Variants in WDFY4 observed in about 807,000 individuals in gnomAD.
WDFY4 encodes the protein WDFY family member 4, also known as WD repeat- and FYVE domain-containing protein 4.
In WDFY4, 169 loss-of-function variants were observed where a neutral mutation model predicts 351.9. That is an observed-to-expected ratio of 0.48 (90% CI 0.42 to 0.55). The LOEUF (loss-of-function observed/expected upper bound fraction) is 0.55. Among genes scored for constraint, WDFY4 ranks in the 20% least tolerant of loss-of-function variants. WDFY4 has a pLI of 0.00. For missense variants in WDFY4, 3,803 were observed against 3,935.6 expected (o/e 0.97, Z 0.90); for synonymous variants, 1,622 against 1,574.6 (o/e 1.03, Z -0.71).
Position 48,731,492 on chromosome 10 carries a change from C to T in WDFY4, c.1512C>T (p.Phe504=). 2 of 1,551,652 alleles carry T rather than the reference C, an allele frequency of 1.3e-6. No individual in the cohort carries two copies. The highest frequency in any genetic ancestry group is 2.4e-5 in the East Asian group (1 of 40,918). ...GGGACCCCCTCTTCACCGACATCTT[C>T]CGGGACTCAGGGCTCCTGGGCCTGC... The part of the protein sequence containing the change: ...AGGDPLFTDI[F]RDSGLLGLLL... The change falls in exon 9 of 62, where the codon TTC becomes TTT. Residue 504 remains phenylalanine (F), a synonymous_variant. Coordinates refer to ENST00000325239, the MANE Select transcript of WDFY4 (RefSeq NM_001394531.1).
At chr10:48,981,088 A>G (rs1278723259) in intron 60 of WDFY4, among the ~76,000 whole-genome samples, 1 of 152,236 alleles carries the variant, frequency 6.6e-6, no homozygotes, top group Non-Finnish European at 1.5e-5. Flanking sequence ...TGAACTAGGC[A>G]TGCAATTTAG....
At chr10:48,910,347 G>C in intron 47 of WDFY4, 1 of 1,145,948 alleles carries the variant, frequency 8.7e-7, no homozygotes, top group South Asian at 1.2e-5. Flanking sequence ...AGCTCACCAA[G>C]GTCATGCCTG....
At chr10:48,909,590 G>A (rs189165038) in intron 47 of WDFY4, 1 of 152,306 alleles carries the variant, frequency 6.6e-6, no homozygotes, top group East Asian at 1.9e-4. Context: ...CACTCATGGT[G>A]GAAGGTGAAG....
In WDFY4 at chr10:48,817,421, T is replaced by G; in HGVS notation, c.5505+12T>G. 2 of 1,546,220 alleles carry G rather than the reference T, an allele frequency of 1.3e-6. No homozygotes were observed. Among genetic ancestry groups the G allele is most frequent in the African/African-American group, 2.7e-5 (2 of 73,126 alleles). ...TGGGAGCCCAAAAGGTAGGACATGC[T>G]GCTGTCCCACCCAGAGAGAGCAGTT... On this transcript the variant is annotated intron_variant, in intron 32 of 61. Coordinates refer to ENST00000325239, the MANE Select transcript of WDFY4 (RefSeq NM_001394531.1).
rs1235593840 is a variant in WDFY4, at chr10:48,731,272, C to T, written c.1292C>T (p.Ser431Leu). The T allele has an allele frequency of 2.4e-5, 38 of 1,551,864 alleles. No individual in the cohort carries two copies. Among genetic ancestry groups the T allele is most frequent in the Middle Eastern group, 1.7e-4 (1 of 6,014 alleles). The change falls in exon 9 of 62, where the codon TCG becomes TTG. Residue 431 changes from serine to leucine, a missense_variant. Transcript: ENST00000325239. ...FLLEWTLQPI[S>L]QFVEIMPLKP... ...CTGGAGTGGACCCTGCAGCCCATCTCGCAGTTTGTAGAGATCATGCCCCTG... is the reference window on the plus strand; with the variant it reads ...CTGGAGTGGACCCTGCAGCCCATCTTGCAGTTTGTAGAGATCATGCCCCTG...
At chr10:48,797,777 A>T (rs1408025597) in intron 24 of WDFY4, among the ~76,000 whole-genome samples, 1 of 152,242 alleles carries the variant, frequency 6.6e-6, no homozygotes, top group Admixed American at 6.5e-5. Flanking sequence ...ATTTTCTTAG[A>T]ATAAATTATC....
chr10:48,900,176 A>G, intron 45 of WDFY4, 45 bp from the exon 46 acceptor site: 1 of 1,524,832 alleles, frequency 6.6e-7, no homozygotes, highest in Non-Finnish European at 8.9e-7. Flanking sequence ...GGGCGTCTCT[A>G]GTCCACAAAA....
rs777919426 is a variant in WDFY4 at position 48,774,640 on chromosome 10, C to G, written c.2736C>G (p.Leu912=). ...HSRLIRIFEK[L]ASQAIEPDVL... Reference sequence around the variant, plus strand: ...GCCTCATCAGGATCTTTGAGAAGCTCGCTTCCCAGGCCATTGAACCGGATG... The same window carrying G: ...GCCTCATCAGGATCTTTGAGAAGCTGGCTTCCCAGGCCATTGAACCGGATG... Residue 912 remains leucine, a synonymous_variant, in exon 14 of 62, where the codon CTC becomes CTG. Transcript: ENST00000325239. The G allele has an allele frequency of 1.3e-6, 2 of 1,551,636 alleles. No individual in the cohort carries two copies. The highest frequency in any genetic ancestry group is 2.7e-5 in the African/African-American group (2 of 73,068).
intron 13 of WDFY4, among the ~76,000 whole-genome samples, chr10:48,763,436 T>G (rs1451965217): frequency 6.6e-6 from 1 of 152,238 alleles, no homozygotes; most frequent in African/African-American, 2.4e-5. Context: ...TTAGCTGTAT[T>G]TCATACAACG....
At chr10:48,831,376 A>G (rs2068183355) in intron 38 of WDFY4, among the ~76,000 whole-genome samples, 1 of 152,258 alleles carries the variant, frequency 6.6e-6, no homozygotes, top group East Asian at 1.9e-4. Flanking sequence ...GGTACTAATA[A>G]ACAACATTTT....
intron 47 of WDFY4, among the ~76,000 whole-genome samples, chr10:48,905,686 C>G (rs113704914): frequency 9.2e-5 from 14 of 152,342 alleles, no homozygotes; most frequent in African/African-American, 3.4e-4. Flanking sequence ...AGAGCCTCAG[C>G]AAAATGCGGA....
At position 48,830,812 on chromosome 10, in the gene WDFY4, G is replaced by A; in HGVS notation, c.6453G>A (p.Glu2151=). 2 of 1,551,702 alleles carry A rather than the reference G, an allele frequency of 1.3e-6. No individual in the cohort carries two copies. The highest frequency in any genetic ancestry group is 1.7e-6 in the Non-Finnish European group (2 of 1,146,976). Reference sequence around the variant, plus strand: ...TCGATCTCTCTGTGAAACCTGGAGAGAGGGAAGTGAAGATTGAAGAGGTCA... The same window carrying A: ...TCGATCTCTCTGTGAAACCTGGAGAAAGGGAAGTGAAGATTGAAGAGGTCA... ...FKIDLSVKPG[E]REVKIEEVTP... Residue 2151 remains glutamate (E), a synonymous_variant, in exon 38 of 62, where the codon GAG becomes GAA. Transcript: ENST00000325239.
At chr10:48,963,541 T>A (rs1166402493) in intron 53 of WDFY4, among the ~76,000 whole-genome samples, 2 of 152,192 alleles carry the variant, frequency 1.3e-5, no homozygotes, top group African/African-American at 2.4e-5. Flanking sequence ...TCCATTTAGA[T>A]GTCTTTCCCA....
intron 39 of WDFY4, among the ~76,000 whole-genome samples, chr10:48,851,684 G>A (rs1287593260): frequency 6.6e-6 from 1 of 152,250 alleles, no homozygotes. Flanking sequence ...AAACAAACAA[G>A]TGTAATGACT....
chr10:48,803,175 G>A (rs2067141216), intron 24 of WDFY4, 111 bp from the exon 25 acceptor site: 2 of 1,023,666 alleles, frequency 2.0e-6, no homozygotes, highest in Admixed American at 4.2e-5. Context: ...ACATCATGTT[G>A]ATGATTCCAC....
intron 39 of WDFY4, among the ~76,000 whole-genome samples, chr10:48,864,307 T>C (rs1327462121): frequency 6.6e-6 from 1 of 152,256 alleles, no homozygotes; most frequent in Non-Finnish European, 1.5e-5. Context: ...TATGGCTATT[T>C]AGTTTTCCAT....
At chr10:48,696,795 C>A (rs187310682) in intron 1 of WDFY4, among the ~76,000 whole-genome samples, 97 of 152,382 alleles carry the variant, frequency 6.4e-4, no homozygotes, top group African/African-American at 2.1e-3. Flanking sequence ...AGAGGCCATG[C>A]AGTGCGCACT....
chr10:48,825,839 G>A (rs4596990), intron 35 of WDFY4, among the ~76,000 whole-genome samples: 29,275 of 151,868 alleles, frequency 0.19, 3,768 homozygotes, highest in African/African-American at 0.37. Context: ...TAAGTTCCCT[G>A]TAGATTCTGG....
intron 39 of WDFY4, among the ~76,000 whole-genome samples, chr10:48,833,173 G>GAGAA (rs1491485026): frequency 9.8e-6 from 1 of 102,038 alleles, no homozygotes. Context: ...GTGTGTGTGT[G>GAGAA]AGAGAGAGAG....
Sources: allele counts gnomAD v4.1 joint callset (sites outside exome capture counted in the v4.1 genomes callset), GRCh38; gene constraint gnomAD v4.1.1; transcripts MANE v1.5; gene names NCBI Gene and HGNC (gene_info 2026-07-23, HGNC 2026-07-21).